Variants in NFU1 observed in about 807,000 individuals in gnomAD.
The protein encoded by NFU1 is NFU1 iron-sulfur cluster scaffold homolog, mitochondrial.
A neutral mutation model predicts 32.2 loss-of-function variants in NFU1; 30 were observed. The ratio of observed to expected loss-of-function variants is 0.93; its 90% CI spans 0.70 to 1.26. The LOEUF (loss-of-function observed/expected upper bound fraction) is 1.26, where lower values mean the gene tolerates loss of function less well. Among genes scored for constraint, NFU1 ranks in the 50% most tolerant of loss-of-function variants. NFU1 has a pLI of 0.00. For synonymous variants in NFU1, 112 were observed against 104.6 expected (o/e 1.07, Z -0.43); for missense variants, 306 against 306.6 (o/e 1.00, Z 0.02).
intron 5 of NFU1, among the ~76,000 whole-genome samples, chr2:69,409,909 T>C (rs1239930648): frequency 6.6e-6 from 1 of 152,146 alleles, no homozygotes; most frequent in Non-Finnish European, 1.5e-5. Flanking sequence ...GGGACAAGTG[T>C]CCAAACTATA....
chr2:69,418,759 A>C (rs981326268), intron 4 of NFU1, among the ~76,000 whole-genome samples: 1 of 151,864 alleles, frequency 6.6e-6, no homozygotes, highest in Non-Finnish European at 1.5e-5. Context: ...GTGAGCCACC[A>C]CACCCGGCCC....
chr2:69,402,005 T>G (rs933266493), intron 6 of NFU1, among the ~76,000 whole-genome samples: 2 of 152,150 alleles, frequency 1.3e-5, no homozygotes, highest in African/African-American at 2.4e-5. Context: ...GTGATTCTCC[T>G]GCCTCAGACT....
chr2:69,435,916 C>CT (rs531070579), intron 1 of NFU1, among the ~76,000 whole-genome samples: 20,208 of 135,466 alleles, frequency 0.15, 1,604 homozygotes, highest in Non-Finnish European at 0.17. Context: ...CCACGCCCAG[C>CT]TTTTTTTTTT....
chr2:69,427,309 T>C (rs978626675), intron 2 of NFU1, among the ~76,000 whole-genome samples: 1 of 150,942 alleles, frequency 6.6e-6, no homozygotes, highest in Non-Finnish European at 1.5e-5. Context: ...CACTTGAACC[T>C]GGGAGGCAGA....
Position 69,406,072 on chromosome 2 carries a change from T to C in NFU1, c.495A>G (p.Glu165=), listed in dbSNP as rs886056266. The part of the protein sequence containing the change: ...ETPSGEAGSE[E]DDEVVAMIKE... ...TAATCATTGCCACAACTTCATCATC[T>C]TCTTCAGATCCTAGAAATAATTACA... Residue 165 remains glutamate, a synonymous_variant, in exon 6 of 8, where the codon GAA becomes GAG. Coordinates refer to ENST00000410022, the MANE Select transcript of NFU1 (RefSeq NM_001002755.4). The C allele has an allele frequency of 6.3e-7, 1 of 1,589,238 alleles. No individual in the cohort carries two copies. The highest frequency in any genetic ancestry group is 8.6e-7 in the Non-Finnish European group (1 of 1,158,794).
At chr2:69,437,692 T>G, upstream of NFU1, 1 of 576,248 alleles carries the variant, frequency 1.7e-6, no homozygotes, top group South Asian at 2.0e-5. Flanking sequence ...CCGTACTTTG[T>G]TTTCCCTGTT....
chr2:69,426,600 A>G (rs1673463532), intron 2 of NFU1, among the ~76,000 whole-genome samples: 2 of 152,112 alleles, frequency 1.3e-5, no homozygotes, highest in African/African-American at 2.4e-5. Flanking sequence ...TTTTCTTATA[A>G]TATCTTTTTT....
chr2:69,406,818 G>A (rs1210552426), intron 5 of NFU1, among the ~76,000 whole-genome samples: 1 of 152,084 alleles, frequency 6.6e-6, no homozygotes, highest in African/African-American at 2.4e-5. Context: ...ATCTCATCTT[G>A]AACTTCAGTT....
chr2:69,403,964 G>A (rs551113288), intron 6 of NFU1, among the ~76,000 whole-genome samples: 1,772 of 150,206 alleles, frequency 0.012, 17 homozygotes, highest in Non-Finnish European at 0.019. Flanking sequence ...TCAGCCTCCC[G>A]AGTAGCTGGG....
chr2:69,408,738 A>ATT (rs1672782490), intron 5 of NFU1, among the ~76,000 whole-genome samples: 3 of 15,276 alleles, frequency 2.0e-4, no homozygotes, highest in African/African-American at 2.7e-3. Context: ...AAAATTTTAT[A>ATT]TATATATATA....
At position 69,396,222 on chromosome 2, in the gene NFU1, T is replaced by G. The variant is rs1351612680; in HGVS notation, c.*24A>C. 4.4e-6 allele frequency: 7 copies of G among 1,599,308 alleles called. No homozygotes were observed. In the Admixed American group the frequency reaches 5.0e-5, roughly 11 times the overall value. On this transcript the variant is annotated 3_prime_UTR_variant, in exon 8 of 8. Coordinates refer to ENST00000410022, the MANE Select transcript of NFU1 (RefSeq NM_001002755.4). ...ATATTATCAACAAGTCTGACTGTTA[T>G]GCCCAAAGAAAATCCAGATTATTTT...
At position 69,437,375 on chromosome 2, in the gene NFU1, G is replaced by A. The variant is rs370197557; in HGVS notation, c.48C>T (p.Ala16=). ...TCGTCACCTACCGCCTGCGCAGCCC[G>A]GCGGCAACAGCCGCAGCTCCCCAGC... is the stretch of plus-strand genomic sequence containing the variant. ...RRGWGAAAVA[A]GLRRRFCHML... Residue 16 remains alanine, a synonymous_variant, in exon 1 of 8, where the codon GCC becomes GCT. Transcript: ENST00000410022. 3.4e-5 allele frequency: 54 copies of A among 1,608,348 alleles called. No homozygotes were observed. Among genetic ancestry groups the A allele is most frequent in the Non-Finnish European group, 4.4e-5 (52 of 1,178,926 alleles).
At chr2:69,417,599 C>T (rs576112835) in intron 4 of NFU1, among the ~76,000 whole-genome samples, 3 of 152,040 alleles carry the variant, frequency 2.0e-5, no homozygotes, top group African/African-American at 7.3e-5. Context: ...TTGCAGTGAC[C>T]CATGATCGCA....
intron 5 of NFU1, among the ~76,000 whole-genome samples, chr2:69,406,955 C>T (rs369728049): frequency 1.3e-5 from 2 of 152,248 alleles, no homozygotes; most frequent in East Asian, 3.9e-4. Context: ...TTATAAGGAA[C>T]TTTTCTCCCT....
chr2:69,416,283 CTTATTATTATT>C (rs1673048082), intron 4 of NFU1: 1 of 147,328 alleles, frequency 6.8e-6, no homozygotes, highest in Non-Finnish European at 1.5e-5. Context: ...AATTCATTCA[CTTATTATTATT>C]AATAATATAA....
At chr2:69,419,487 G>A in intron 4 of NFU1, 51 bp downstream of exon 4, 1 of 973,050 alleles carries the variant, frequency 1.0e-6, no homozygotes, top group Middle Eastern at 2.1e-4. Context: ...ATTGGACTCA[G>A]AAAAAAATGA....
chr2:69,433,942 T>TG (rs1162814105), intron 1 of NFU1, among the ~76,000 whole-genome samples: 1 of 35,316 alleles, frequency 2.8e-5, no homozygotes, highest in Admixed American at 2.4e-4. Context: ...CCCAGCTAGT[T>TG]TTTTTTTTTT....
chr2:69,428,395 C>T (rs1286932334), intron 2 of NFU1, among the ~76,000 whole-genome samples: 2 of 151,930 alleles, frequency 1.3e-5, no homozygotes, highest in African/African-American at 4.8e-5. Context: ...ACCACGCACT[C>T]CAGCCTGCGA....
At chr2:69,396,084 TAA>T, downstream of NFU1, 1 of 608,470 alleles carries the variant, frequency 1.6e-6, no homozygotes, top group Non-Finnish European at 2.9e-6. Flanking sequence ...CAAGAGGTTA[TAA>T]ATAACTCATA....
Sources: gnomAD v4.1 joint callset for allele counts (sites outside exome capture counted in the v4.1 genomes callset) on GRCh38, gnomAD v4.1.1 for gene constraint, MANE v1.5 for transcripts, NCBI Gene and HGNC (gene_info 2026-07-23, HGNC 2026-07-21) for gene names.